BRINP3: variants seen among roughly 807,000 people sequenced by gnomAD.
The protein encoded by BRINP3 is BMP/retinoic acid-inducible neural-specific protein 3.
In BRINP3, 19 loss-of-function variants were observed where a neutral mutation model predicts 71.0. The observed-to-expected ratio is 0.27, with a 90% CI of 0.19 to 0.39. The LOEUF (loss-of-function observed/expected upper bound fraction) is 0.39, where lower values mean the gene tolerates loss of function less well. BRINP3 is among the 10% of genes least tolerant of loss of function. The pLI, the probability that BRINP3 is intolerant of heterozygous loss-of-function variation, is 1.00. For synonymous variants in BRINP3, 380 were observed against 337.7 expected, an observed-to-expected ratio of 1.13 and a Z score of -1.37; for missense variants, 959 against 940.8, an observed-to-expected ratio of 1.02 and a Z score of -0.25.
At chr1:190,254,282 AG>A (rs1036241580) in intron 4 of BRINP3, among the ~76,000 whole-genome samples, 9 of 124,252 alleles carry the variant, frequency 7.2e-5, no homozygotes, top group African/African-American at 2.4e-4. Flanking sequence ...ACTTTAAAAT[AG>A]TTTTTTTTTT....
At chr1:190,310,278 C>A (rs1190199493) in intron 2 of BRINP3, among the ~76,000 whole-genome samples, 1 of 151,476 alleles carries the variant, frequency 6.6e-6, no homozygotes, top group East Asian at 1.9e-4. Flanking sequence ...TTTCAGTGTA[C>A]CGAGAAAAGC....
At chr1:190,233,536 A>T (rs1658213958) in intron 5 of BRINP3, among the ~76,000 whole-genome samples, 1 of 152,116 alleles carries the variant, frequency 6.6e-6, no homozygotes, top group Admixed American at 6.6e-5. Flanking sequence ...GCATTTCTGA[A>T]ACTTTTAAGC....
intron 7 of BRINP3, among the ~76,000 whole-genome samples, chr1:190,121,826 C>T (rs1653688033): frequency 6.6e-6 from 1 of 151,906 alleles, no homozygotes; most frequent in African/African-American, 2.4e-5. Flanking sequence ...TGAATCAATA[C>T]ATGAAGTAAA....
intron 6 of BRINP3, among the ~76,000 whole-genome samples, chr1:190,224,595 C>A (rs1465222098): frequency 6.6e-6 from 1 of 151,700 alleles, no homozygotes; most frequent in African/African-American, 2.4e-5. Flanking sequence ...GTTTGTAAAA[C>A]CTCAACATTA....
In BRINP3 at chr1:190,098,402, A is replaced by G; in HGVS notation, c.1917T>C (p.Asn639=). 6.2e-7 allele frequency: 1 copy of G among 1,614,178 alleles called. No individual in the cohort carries two copies. Among genetic ancestry groups the G allele is most frequent in the Non-Finnish European group, 8.5e-7 (1 of 1,180,030 alleles). ...LRSRIKSNGP[N]GNESIYYEPL... ...GTTCATAGTAAATGCTCTCATTACCATTGGGACCATTGGACTTGATGCGAC... is the reference window on the plus strand; with the variant it reads ...GTTCATAGTAAATGCTCTCATTACCGTTGGGACCATTGGACTTGATGCGAC... The change falls in exon 8 of 8, where the codon AAT becomes AAC. Residue 639 remains asparagine (N), a synonymous_variant. Transcript: ENST00000367462.
intron 6 of BRINP3, among the ~76,000 whole-genome samples, chr1:190,219,413 A>T (rs1400401316): frequency 2.0e-5 from 3 of 152,234 alleles, no homozygotes; most frequent in Non-Finnish European, 4.4e-5. Context: ...ATATTAAAAT[A>T]ATAAAAAATC....
chr1:190,306,193 C>T (rs1056854238), intron 2 of BRINP3, among the ~76,000 whole-genome samples: 1 of 151,696 alleles, frequency 6.6e-6, no homozygotes, highest in African/African-American at 2.4e-5. Flanking sequence ...AAGATATCTG[C>T]CCAATATGAA....
intron 3 of BRINP3, 115 bp downstream of exon 3, chr1:190,281,445 A>G: frequency 2.1e-6 from 2 of 964,840 alleles, no homozygotes; most frequent in East Asian, 2.5e-5. Flanking sequence ...AAATGAATGA[A>G]TGAGTTCTAT....
At chr1:190,163,907 G>T (rs1240564051) in intron 6 of BRINP3, among the ~76,000 whole-genome samples, 2 of 152,060 alleles carry the variant, frequency 1.3e-5, no homozygotes, top group Non-Finnish European at 2.9e-5. Flanking sequence ...AATCCTTCAT[G>T]CAGATTTTAT....
chr1:190,243,095 C>G (rs896783268), intron 4 of BRINP3, among the ~76,000 whole-genome samples: 1 of 152,054 alleles, frequency 6.6e-6, no homozygotes, highest in African/African-American at 2.4e-5. Flanking sequence ...TCTTTGAGTA[C>G]ACATTAAAAT....
At chr1:190,390,833 A>G (rs1309731001) in intron 2 of BRINP3, among the ~76,000 whole-genome samples, 3 of 151,868 alleles carry the variant, frequency 2.0e-5, no homozygotes, top group Non-Finnish European at 4.4e-5. Context: ...CTGGAGTCCT[A>G]CAGTCTCAGT....
intron 2 of BRINP3, among the ~76,000 whole-genome samples, chr1:190,323,750 C>A (rs2103058399): frequency 6.6e-6 from 1 of 151,688 alleles, no homozygotes; most frequent in East Asian, 1.9e-4. Context: ...GATAGGTGCA[C>A]AATTACTGCA....
At chr1:190,339,907 CT>C (rs1370744995) in intron 2 of BRINP3, among the ~76,000 whole-genome samples, 1 of 151,820 alleles carries the variant, frequency 6.6e-6, no homozygotes, top group Non-Finnish European at 1.5e-5. Flanking sequence ...TTGATTTATT[CT>C]TCTGTCAAAA....
At chr1:190,195,851 G>T (rs538973173) in intron 6 of BRINP3, among the ~76,000 whole-genome samples, 2 of 151,130 alleles carry the variant, frequency 1.3e-5, no homozygotes, top group Admixed American at 6.6e-5. Flanking sequence ...TGGAGTTCTT[G>T]AAAAAAAAGC....
intron 2 of BRINP3, among the ~76,000 whole-genome samples, chr1:190,351,247 T>G (rs1241965496): frequency 1.3e-5 from 2 of 152,128 alleles, no homozygotes; most frequent in African/African-American, 4.8e-5. Flanking sequence ...GCATTGCCAT[T>G]ACTCATCAAA....
At chr1:190,261,891 T>C (rs1034734608) in intron 4 of BRINP3, among the ~76,000 whole-genome samples, 1 of 152,174 alleles carries the variant, frequency 6.6e-6, no homozygotes, top group African/African-American at 2.4e-5. Context: ...TTACATCGAA[T>C]TGTTTATTCA....
chr1:190,473,054 CAT>C (rs1375230480), intron 1 of BRINP3, among the ~76,000 whole-genome samples: 1 of 151,790 alleles, frequency 6.6e-6, no homozygotes, highest in Non-Finnish European at 1.5e-5. Context: ...TATATGGTAT[CAT>C]GTCTATTTCA....
chr1:190,303,563 A>G (rs1664881254), intron 2 of BRINP3, among the ~76,000 whole-genome samples: 1 of 151,782 alleles, frequency 6.6e-6, no homozygotes, highest in South Asian at 2.1e-4. Context: ...TCCATTTTTA[A>G]TAAAATTGCA....
chr1:190,472,722 G>A (rs1323426955), intron 1 of BRINP3, among the ~76,000 whole-genome samples: 1 of 151,524 alleles, frequency 6.6e-6, no homozygotes, highest in Non-Finnish European at 1.5e-5. Flanking sequence ...TGTACTTGTG[G>A]AGAGAAACCC....
Sources: allele counts gnomAD v4.1 joint callset (sites outside exome capture counted in the v4.1 genomes callset), GRCh38; gene constraint gnomAD v4.1.1; transcripts MANE v1.5; gene names NCBI Gene and HGNC (gene_info 2026-07-23, HGNC 2026-07-21).